Variants in PSMA8 observed in about 807,000 individuals in gnomAD.
PSMA8 encodes proteasome 20S subunit alpha 8, also known as proteasome subunit alpha-type 8.
PSMA8 carries 18 observed loss-of-function variants against 32.4 expected under a neutral mutation model. The observed-to-expected ratio is 0.56, with a 90% CI of 0.38 to 0.82. PSMA8 has a LOEUF of 0.82. PSMA8 is among the 40% of genes least tolerant of loss of function. The pLI, the probability that PSMA8 is intolerant of heterozygous loss-of-function variation, is 0.00. For missense variants in PSMA8, 298 were observed against 300.7 expected (o/e 0.99, Z 0.07); for synonymous variants, 104 against 98.1 (o/e 1.06, Z -0.36).
At chr18:26,161,979 A>G (rs566221982) in intron 4 of PSMA8, among the ~76,000 whole-genome samples, 8 of 152,288 alleles carry the variant, frequency 5.3e-5, no homozygotes, top group African/African-American at 1.4e-4. Context: ...GGAAACACTC[A>G]TTTTTAGATT....
chr18:26,167,665 C>A (rs947704138), intron 4 of PSMA8, among the ~76,000 whole-genome samples: 22 of 152,096 alleles, frequency 1.4e-4, no homozygotes, highest in African/African-American at 5.3e-4. Context: ...TTTGCATGAA[C>A]ATGTATGTGT....
chr18:26,152,909 T>C (rs747256962), intron 3 of PSMA8, among the ~76,000 whole-genome samples: 20 of 152,208 alleles, frequency 1.3e-4, no homozygotes, highest in Non-Finnish European at 1.3e-4. Context: ...CCTGGCTAGA[T>C]GTAGCCTTGT....
intron 2 of PSMA8, among the ~76,000 whole-genome samples, chr18:26,146,842 T>C (rs1266092614): frequency 2.0e-5 from 3 of 152,064 alleles, no homozygotes; most frequent in Non-Finnish European, 1.5e-5. Flanking sequence ...ACTGGGTAAC[T>C]TATAAAGAAA....
chr18:26,143,930 C>T (rs571243023), intron 1 of PSMA8, among the ~76,000 whole-genome samples: 1 of 152,202 alleles, frequency 6.6e-6, no homozygotes, highest in East Asian at 1.9e-4. Context: ...CCATGTTGGC[C>T]AGGCTGGTCT....
intron 4 of PSMA8, among the ~76,000 whole-genome samples, chr18:26,159,292 G>C (rs190123741): frequency 6.6e-6 from 1 of 152,086 alleles, no homozygotes; most frequent in African/African-American, 2.4e-5. Flanking sequence ...TTTGTAAACC[G>C]TTAACCAGGC....
chr18:26,162,134 C>T (rs1007093057), intron 4 of PSMA8, among the ~76,000 whole-genome samples: 3 of 152,098 alleles, frequency 2.0e-5, no homozygotes, highest in Non-Finnish European at 4.4e-5. Context: ...AATTAATATA[C>T]CCATCATCTC....
rs6508418 is a variant in PSMA8 at position 26,166,946 on chromosome 18, G to A, written c.477+8702G>A. On this transcript the variant is annotated intron_variant, in intron 4 of 6. Transcript: ENST00000415576. ...ATTTAATGTTTTAGAAATCACATGG[G>A]TCAACATTTAGAAGATCTGCATAAT... Among the ~76,000 whole-genome samples the A allele has an allele frequency of 5.8e-3, 884 of 152,264 alleles. 6 individuals carry two copies. Among genetic ancestry groups the A allele is most frequent in the African/African-American group, 0.021 (854 of 41,550 alleles).
intron 6 of PSMA8, among the ~76,000 whole-genome samples, chr18:26,184,597 A>C (rs1233217937): frequency 6.7e-6 from 1 of 148,780 alleles, no homozygotes; most frequent in Non-Finnish European, 1.5e-5. Flanking sequence ...ACATAGTGAA[A>C]CCCCATCTCC....
intron 1 of PSMA8, among the ~76,000 whole-genome samples, chr18:26,139,430 AGCC>A (rs2144268540): frequency 6.6e-6 from 1 of 152,314 alleles, no homozygotes; most frequent in South Asian, 2.1e-4. Flanking sequence ...ACTTGATTGC[AGCC>A]TTATGAGAGA....
intron 4 of PSMA8, among the ~76,000 whole-genome samples, chr18:26,162,683 G>C (rs983367826): frequency 3.3e-5 from 5 of 152,036 alleles, no homozygotes; most frequent in African/African-American, 1.2e-4. Flanking sequence ...GGCTAACACG[G>C]TGAAACCCCA....
chr18:26,152,297 CT>C (rs1230525786), intron 3 of PSMA8, among the ~76,000 whole-genome samples: 1 of 151,734 alleles, frequency 6.6e-6, no homozygotes, highest in Non-Finnish European at 1.5e-5. Context: ...AGAGAAGTAC[CT>C]TTTTTGTTTT....
At chr18:26,139,530 A>G (rs1263694042) in intron 1 of PSMA8, among the ~76,000 whole-genome samples, 1 of 152,212 alleles carries the variant, frequency 6.6e-6, no homozygotes, top group Non-Finnish European at 1.5e-5. Flanking sequence ...TTGAAATTTA[A>G]GAGATTGATT....
intron 2 of PSMA8, among the ~76,000 whole-genome samples, chr18:26,149,676 A>G (rs28645610): frequency 4.9e-4 from 75 of 152,326 alleles, no homozygotes; most frequent in African/African-American, 1.7e-3. Flanking sequence ...AAGACTACTC[A>G]GTAGGGGAAA....
At chr18:26,144,776 A>G in intron 2 of PSMA8, 91 bp downstream of exon 2, 3 of 1,244,406 alleles carry the variant, frequency 2.4e-6, no homozygotes, top group Non-Finnish European at 3.4e-6. Context: ...CTATATTTAT[A>G]AAACATGTGG....
chr18:26,173,012 C>T (rs1479026570), intron 4 of PSMA8, among the ~76,000 whole-genome samples: 2 of 152,184 alleles, frequency 1.3e-5, no homozygotes, highest in Non-Finnish European at 2.9e-5. Flanking sequence ...GCCATGCGTT[C>T]TTGGCACACC....
chr18:26,180,034 T>C (rs1416800189), intron 6 of PSMA8, among the ~76,000 whole-genome samples: 1 of 151,956 alleles, frequency 6.6e-6, no homozygotes, highest in Non-Finnish European at 1.5e-5. Context: ...ATGGATCACT[T>C]GAGGTCAGGA....
intron 6 of PSMA8, among the ~76,000 whole-genome samples, chr18:26,183,899 C>A (rs1473974749): frequency 1.3e-5 from 2 of 150,804 alleles, no homozygotes; most frequent in African/African-American, 4.9e-5. Context: ...CTTCAACCTT[C>A]AGCAACCACT....
At chr18:26,156,490 A>G (rs997680408) in intron 3 of PSMA8, among the ~76,000 whole-genome samples, 2 of 152,072 alleles carry the variant, frequency 1.3e-5, no homozygotes, top group Admixed American at 1.3e-4. Flanking sequence ...AAAAAGAATG[A>G]AATTCTGTCA....
At chr18:26,139,116 G>T (rs151292125) in intron 1 of PSMA8, among the ~76,000 whole-genome samples, 1 of 152,294 alleles carries the variant, frequency 6.6e-6, no homozygotes, top group Non-Finnish European at 1.5e-5. Flanking sequence ...AATGGAATAG[G>T]TGAAAATGAC....
Sources: gnomAD v4.1 joint callset for allele counts (sites outside exome capture counted in the v4.1 genomes callset) on GRCh38, gnomAD v4.1.1 for gene constraint, MANE v1.5 for transcripts, NCBI Gene and HGNC (gene_info 2026-07-23, HGNC 2026-07-21) for gene names.